GMEB2: variants seen among roughly 807,000 people sequenced by gnomAD.
GMEB2 encodes the protein glucocorticoid modulatory element binding protein 2.
A neutral mutation model predicts 45.7 loss-of-function variants in GMEB2; 7 were observed. The observed-to-expected ratio is 0.15, with a 90% CI of 0.09 to 0.29. The LOEUF (loss-of-function observed/expected upper bound fraction) is 0.29. Ranked by LOEUF, GMEB2 falls within the 10% of genes least tolerant of loss-of-function variation. The pLI is 1.00. For missense variants in GMEB2, 582 were observed against 739.2 expected, an observed-to-expected ratio of 0.79 and a Z score of 2.47; for synonymous variants, 322 against 323.6, an observed-to-expected ratio of 1.00 and a Z score of 0.05.
chr20:63,616,032 T>C (rs2089606090), intron 2 of GMEB2, among the ~76,000 whole-genome samples: 1 of 152,250 alleles, frequency 6.6e-6, no homozygotes, highest in Admixed American at 6.5e-5. Context: ...ATTTTCTTTT[T>C]CTTTCTAAAT....
At position 63,592,190 on chromosome 20, in the gene GMEB2, A is replaced by G. The variant is rs1273468760; in HGVS notation, c.830-46T>C. ...CTCAGTGAGAGCCCAAGCCCTTCCT[A>G]GAGAGCCACGCGGACGCTCGGTGAG... On this transcript the variant is annotated intron_variant, in intron 8 of 9. Transcript: ENST00000370077. This position sits in a 1 kb window ranked among gnomAD's most constrained non-coding sequence, Gnocchi z 8.2. 2 of 1,588,024 alleles carry G rather than the reference A, an allele frequency of 1.3e-6. No individual in the cohort carries two copies. Among genetic ancestry groups the G allele is most frequent in the Non-Finnish European group, 1.7e-6 (2 of 1,165,150 alleles).
chr20:63,597,023 A>C (rs941844387), intron 5 of GMEB2, among the ~76,000 whole-genome samples: 8 of 151,932 alleles, frequency 5.3e-5, no homozygotes, highest in African/African-American at 9.7e-5. Flanking sequence ...TCTCAAAAAA[A>C]AAGTGAAAGA....
chr20:63,603,217 G>A, intron 3 of GMEB2, 125 bp from the exon 4 acceptor site: 1 of 1,093,368 alleles, frequency 9.1e-7, no homozygotes, highest in Non-Finnish European at 1.3e-6. Context: ...AATCCAGGAA[G>A]GCCTGAGATA....
rs1298815293 is a variant in GMEB2, at chr20:63,623,156, T to C, written c.-57-3702A>G. On this transcript the variant is annotated intron_variant, in intron 1 of 9. Coordinates refer to ENST00000370077, the MANE Select transcript of GMEB2 (RefSeq NM_012384.5). ...GAAAATGAGTGATGGAAGGAAAATG[T>C]ATTGTTTAAATGAGGAAAAAAAATT... Among the ~76,000 whole-genome samples the C allele has an allele frequency of 5.9e-5, 9 of 152,300 alleles. No homozygotes were observed. In the East Asian group the frequency reaches 1.7e-3, roughly 29 times the overall value.
intron 1 of GMEB2, among the ~76,000 whole-genome samples, chr20:63,621,873 C>G (rs2089644426): frequency 6.6e-6 from 1 of 151,736 alleles, no homozygotes; most frequent in Admixed American, 6.6e-5. Flanking sequence ...CCTGTAATCC[C>G]AGGACTTTGG....
In GMEB2 at chr20:63,590,431, C is replaced by T. The variant is rs368311288; in HGVS notation, c.1251G>A (p.Ala417=). ...STVLGKGSLQ[A]PPASSPASPL... is the part of the protein sequence containing the mutation. ...GGGAGGCCGGGGAGCTGGCGGGGGG[C>T]GCCTGAAGGGAACCCTTGCCCAGGA... is the stretch of plus-strand genomic sequence containing the variant. Residue 417 remains alanine, a synonymous_variant, in exon 10 of 10, where the codon GCG becomes GCA. Coordinates refer to ENST00000370077, the MANE Select transcript of GMEB2 (RefSeq NM_012384.5). 1.6e-4 allele frequency: 246 copies of T among 1,549,140 alleles called. No individual in the cohort carries two copies. In the African/African-American group the frequency reaches 2.4e-3, roughly 15 times the overall value.
chr20:63,610,946 T>G (rs1231753390), intron 2 of GMEB2, among the ~76,000 whole-genome samples: 2 of 152,154 alleles, frequency 1.3e-5, no homozygotes, highest in Non-Finnish European at 2.9e-5. Context: ...TCCTGGCAGA[T>G]GAGGACCACA....
chr20:63,591,972 G>T (rs1190436440), intron 9 of GMEB2, 50 bp downstream of exon 9: 4 of 1,546,818 alleles, frequency 2.6e-6, no homozygotes, highest in Non-Finnish European at 2.6e-6. Context: ...GTGGGCTCCA[G>T]GTCCTCAGCC....
Position 63,619,192 on chromosome 20 carries a change from G to C in GMEB2, c.131+75C>G. ...AATCCTGACACTTGTCCCTTACTAC[G>C]TTAATGCCAGCTGTGCCAAGGACAG... On this transcript the variant is annotated intron_variant, in intron 2 of 9. Coordinates refer to ENST00000370077, the MANE Select transcript of GMEB2 (RefSeq NM_012384.5). The surrounding 1 kb of genome is among the most constrained non-coding windows in gnomAD (Gnocchi z 4.6). 7.2e-7 allele frequency: 1 copy of C among 1,396,886 alleles called. No individual in the cohort carries two copies. The highest frequency in any genetic ancestry group is 2.5e-5 in the East Asian group (1 of 39,726). 86.5% of individuals were successfully genotyped at this position (1,396,886 alleles called of 1,614,324 possible).
chr20:63,618,161 C>T (rs1407879427), intron 2 of GMEB2, among the ~76,000 whole-genome samples: 1 of 152,218 alleles, frequency 6.6e-6, no homozygotes, highest in Non-Finnish European at 1.5e-5. Context: ...CGGGAAAACA[C>T]GGAAGCTGTG....
rs939121432 is a variant in GMEB2 at position 63,593,474 on chromosome 20, C to T, written c.620-392G>A. The stretch of plus-strand genomic sequence containing the variant: ...TTTCCCACCGAGAGCTCTGCGGCTG[C>T]GTCTGTCGCCCGTGGGGCTCGCCCT... On this transcript the variant is annotated intron_variant, in intron 6 of 9. Transcript: ENST00000370077. This position sits in a 1 kb window ranked among gnomAD's most constrained non-coding sequence, Gnocchi z 4.7. Among the ~76,000 whole-genome samples, 8 of 151,934 alleles carry T rather than the reference C, an allele frequency of 5.3e-5. No homozygotes were observed. The highest frequency in any genetic ancestry group is 2.1e-4 in the South Asian group (1 of 4,808).
intron 1 of GMEB2, among the ~76,000 whole-genome samples, chr20:63,625,620 C>G (rs2089665819): frequency 6.8e-6 from 1 of 147,748 alleles, no homozygotes; most frequent in South Asian, 2.1e-4. Flanking sequence ...TTTTTTGAGA[C>G]GCAATCTTGC....
At chr20:63,609,797 A>C (rs1601025287) in intron 2 of GMEB2, among the ~76,000 whole-genome samples, 3 of 79,108 alleles carry the variant, frequency 3.8e-5, no homozygotes, top group Admixed American at 2.9e-4. Context: ...CCCCACCTCC[A>C]TTTCTAGAAA....
chr20:63,591,610 C>T (rs966648005), intron 9 of GMEB2, among the ~76,000 whole-genome samples: 1 of 152,164 alleles, frequency 6.6e-6, no homozygotes, highest in East Asian at 1.9e-4. Context: ...ATTACAGGCA[C>T]ACACCACCAT....
intron 6 of GMEB2, 40 bp downstream of exon 6, chr20:63,595,570 G>C: frequency 6.5e-7 from 1 of 1,549,212 alleles, no homozygotes; most frequent in Non-Finnish European, 8.7e-7. Context: ...GCCATGGCCA[G>C]GGTGGGGCTG....
At chr20:63,595,298 C>T (rs1466174697) in intron 6 of GMEB2, among the ~76,000 whole-genome samples, 4 of 121,006 alleles carry the variant, frequency 3.3e-5, no homozygotes, top group Admixed American at 1.7e-4. Context: ...GGGAGGGGGC[C>T]GGGTGGGCGC....
Position 63,616,558 on chromosome 20 carries a change from C to T in GMEB2, c.131+2709G>A, listed in dbSNP as rs75720693. 3.9e-5 allele frequency among the ~76,000 whole-genome samples: 6 copies of T among 152,232 alleles called. No homozygotes were observed. The East Asian group carries it at 7.7e-4, about 20-fold the overall frequency. On this transcript the variant is annotated intron_variant, in intron 2 of 9. Coordinates refer to ENST00000370077, the MANE Select transcript of GMEB2 (RefSeq NM_012384.5). ...CCCAGAAGCGAGGAGCAGGAGGGTGCGCGCAGACGCAGAGAGCAGCAAGGT... is the reference window on the plus strand; with the variant it reads ...CCCAGAAGCGAGGAGCAGGAGGGTGTGCGCAGACGCAGAGAGCAGCAAGGT...
chr20:63,606,293 C>T (rs2089518400), intron 2 of GMEB2, among the ~76,000 whole-genome samples: 1 of 151,570 alleles, frequency 6.6e-6, no homozygotes, highest in East Asian at 1.9e-4. Flanking sequence ...GATAACTTTG[C>T]CTTAAAAAAT....
intron 2 of GMEB2, among the ~76,000 whole-genome samples, chr20:63,617,184 G>A (rs1222322615): frequency 4.6e-5 from 7 of 152,000 alleles, no homozygotes; most frequent in Non-Finnish European, 8.8e-5. Flanking sequence ...TTGCCATGTC[G>A]CCCAGGCTGG....
Sources: allele counts gnomAD v4.1 joint callset (sites outside exome capture counted in the v4.1 genomes callset), GRCh38; gene constraint gnomAD v4.1.1; non-coding constraint Gnocchi (gnomAD v3.1); transcripts MANE v1.5; gene names NCBI Gene and HGNC (gene_info 2026-07-23, HGNC 2026-07-21).